CUX2: variants seen among roughly 807,000 people sequenced by gnomAD.
CUX2 encodes the protein homeobox protein cut-like 2.
A neutral mutation model predicts 144.8 loss-of-function variants in CUX2; 40 were observed. The ratio of observed to expected loss-of-function variants is 0.28; its 90% CI spans 0.21 to 0.36. The LOEUF (loss-of-function observed/expected upper bound fraction) is 0.36. Ranked by LOEUF, CUX2 falls within the 10% of genes least tolerant of loss-of-function variation. The pLI is 1.00. For synonymous variants in CUX2, 827 were observed against 875.6 expected, an observed-to-expected ratio of 0.94 and a Z score of 0.98; for missense variants, 1,615 against 1,994.0, an observed-to-expected ratio of 0.81 and a Z score of 3.62.
intron 1 of CUX2, among the ~76,000 whole-genome samples, chr12:111,212,955 T>C (rs1403723932): frequency 1.3e-5 from 2 of 152,214 alleles, no homozygotes; most frequent in East Asian, 1.9e-4. Context: ...ATGGCAAAAG[T>C]GTTTCATTGT....
intron 18 of CUX2, among the ~76,000 whole-genome samples, chr12:111,331,657 G>A (rs115629963): frequency 0.011 from 1,663 of 152,172 alleles, 27 homozygotes; most frequent in African/African-American, 0.038. Context: ...ATAATGCTAC[G>A]TGTCTTATGG....
At chr12:111,046,143 G>A (rs545526168) in intron 1 of CUX2, among the ~76,000 whole-genome samples, 10 of 152,090 alleles carry the variant, frequency 6.6e-5, no homozygotes, top group South Asian at 4.2e-4. Context: ...CGGCCCACCC[G>A]GAGCCAGCAG....
At chr12:111,134,020 A>G (rs1465011341) in intron 1 of CUX2, among the ~76,000 whole-genome samples, 1 of 152,176 alleles carries the variant, frequency 6.6e-6, no homozygotes, top group Admixed American at 6.5e-5. Flanking sequence ...CTTGCATTGT[A>G]ATTCAGCCAG....
At chr12:111,335,173 C>A (rs1479968782) in intron 19 of CUX2, among the ~76,000 whole-genome samples, 9 of 152,146 alleles carry the variant, frequency 5.9e-5, no homozygotes, top group Non-Finnish European at 8.8e-5. Context: ...GGTGGATCAT[C>A]TGAGGTCAGC....
chr12:111,343,438 A>C (rs1415840887), intron 21 of CUX2, among the ~76,000 whole-genome samples: 1 of 152,126 alleles, frequency 6.6e-6, no homozygotes, highest in Non-Finnish European at 1.5e-5. Context: ...ACCCCTGCCA[A>C]GCTTCCTGAG....
At chr12:111,250,720 G>A (rs1486184902) in intron 3 of CUX2, among the ~76,000 whole-genome samples, 1 of 152,154 alleles carries the variant, frequency 6.6e-6, no homozygotes, top group Non-Finnish European at 1.5e-5. Flanking sequence ...GAATGGCAAG[G>A]TCAGAGCCGG....
chr12:111,111,314 A>G (rs1873938608), intron 1 of CUX2, among the ~76,000 whole-genome samples: 2 of 152,070 alleles, frequency 1.3e-5, no homozygotes, highest in Non-Finnish European at 2.9e-5. Context: ...AAGAAAAAAA[A>G]AAGAGAGACA....
Position 111,125,557 on chromosome 12 carries a change from T to C in CUX2, c.64-88643T>C, listed in dbSNP as rs142908994. 3.7e-4 allele frequency among the ~76,000 whole-genome samples: 56 copies of C among 152,376 alleles called. 1 individual carries two copies. The East Asian group carries it at 0.011, about 29-fold the overall frequency. On this transcript the variant is annotated intron_variant, in intron 1 of 21. Transcript: ENST00000261726. ...TCATGTTTTCAAGGTTCATCCATGT[T>C]GGCACATGGATCAGTAATTCATTCC...
rs549680346 is a variant in CUX2 at position 111,203,215 on chromosome 12, G to A, written c.64-10985G>A. On this transcript the variant is annotated intron_variant, in intron 1 of 21. Coordinates refer to ENST00000261726, the MANE Select transcript of CUX2 (RefSeq NM_015267.4). ...CCACTGCACTCCAGCCTGGGCAACC[G>A]AATGAGACTCTGTCTCAAAAAAAAA... is the stretch of plus-strand genomic sequence containing the variant. 2.1e-3 allele frequency among the ~76,000 whole-genome samples: 267 copies of A among 126,382 alleles called. 1 individual carries two copies. The highest frequency in any genetic ancestry group is 7.9e-3 in the African/African-American group (251 of 31,910). 82.9% of individuals were successfully genotyped at this position (126,382 alleles called of 152,430 possible).
rs1870764553 is a variant in CUX2, at chr12:111,061,273, C to T, written c.63+27033C>T. Among the ~76,000 whole-genome samples, 1 of 152,148 alleles carries T rather than the reference C, an allele frequency of 6.6e-6. No individual in the cohort carries two copies. The highest frequency in any genetic ancestry group is 1.5e-5 in the Non-Finnish European group (1 of 68,024). On this transcript the variant is annotated intron_variant, in intron 1 of 21. Transcript: ENST00000261726. This position sits in a 1 kb window ranked among gnomAD's most constrained non-coding sequence, Gnocchi z 4.2. The stretch of plus-strand genomic sequence containing the variant: ...ACCCAGGACCCATGCACACCACAGT[C>T]CATGGCATCCTTTGCTCTCCTTTCT...
chr12:111,187,097 C>T (rs56796171), intron 1 of CUX2, among the ~76,000 whole-genome samples: 3,895 of 152,266 alleles, frequency 0.026, 176 homozygotes, highest in African/African-American at 0.088. Flanking sequence ...TATATTTTTA[C>T]GCTCTAAGTA....
intron 1 of CUX2, among the ~76,000 whole-genome samples, chr12:111,066,699 G>T (rs1331815547): frequency 1.3e-5 from 2 of 152,174 alleles, no homozygotes; most frequent in Admixed American, 6.5e-5. Context: ...TCTGCTCTAG[G>T]GGAACTTGAC....
At chr12:111,235,461 G>T (rs1882694323) in intron 3 of CUX2, among the ~76,000 whole-genome samples, 1 of 152,280 alleles carries the variant, frequency 6.6e-6, no homozygotes, top group East Asian at 1.9e-4. Flanking sequence ...AGTGGCTCAT[G>T]CCTGTAATCC....
At chr12:111,330,212 G>A (rs1205856986) in intron 18 of CUX2, among the ~76,000 whole-genome samples, 3 of 152,226 alleles carry the variant, frequency 2.0e-5, no homozygotes, top group Non-Finnish European at 2.9e-5. Context: ...CTTCGAACTC[G>A]GGGGCTTCAC....
chr12:111,175,727 G>A (rs1878812214), intron 1 of CUX2, among the ~76,000 whole-genome samples: 1 of 151,952 alleles, frequency 6.6e-6, no homozygotes, highest in Non-Finnish European at 1.5e-5. Flanking sequence ...TTTTATCCAT[G>A]TTACTGAATG....
rs1476665067 is a variant in CUX2 at position 111,171,071 on chromosome 12, G to C, written c.64-43129G>C. Among the ~76,000 whole-genome samples the C allele has an allele frequency of 3.9e-5, 6 of 152,184 alleles. No homozygotes were observed. Among genetic ancestry groups the C allele is most frequent in the Non-Finnish European group, 7.3e-5 (5 of 68,028 alleles). On this transcript the variant is annotated intron_variant, in intron 1 of 21. Coordinates refer to ENST00000261726, the MANE Select transcript of CUX2 (RefSeq NM_015267.4). The surrounding 1 kb of genome is among the most constrained non-coding windows in gnomAD (Gnocchi z 5.0). ...GTGATGCCTCTTGGGCTGTGACCCA[G>C]AGTGGCGTTGGCATCCAAGGAGAGA...
In CUX2 at chr12:111,348,342, C is replaced by A; in HGVS notation, c.*17C>A. Reference sequence around the variant, plus strand: ...GAGTTCTGAAGGCAGGGTGAGGGGGCAAGGGACATACCCTGGTAACTACCT... The same window carrying A: ...GAGTTCTGAAGGCAGGGTGAGGGGGAAAGGGACATACCCTGGTAACTACCT... On this transcript the variant is annotated 3_prime_UTR_variant, in exon 22 of 22. Coordinates refer to ENST00000261726, the MANE Select transcript of CUX2 (RefSeq NM_015267.4). The A allele has an allele frequency of 1.3e-6, 2 of 1,596,782 alleles. No homozygotes were observed. Among genetic ancestry groups the A allele is most frequent in the Non-Finnish European group, 1.7e-6 (2 of 1,169,960 alleles).
intron 1 of CUX2, among the ~76,000 whole-genome samples, chr12:111,187,323 C>T (rs745616410): frequency 6.6e-6 from 1 of 152,200 alleles, no homozygotes; most frequent in Non-Finnish European, 1.5e-5. Context: ...TGCTGTGCCC[C>T]CTCATAACGG....
intron 1 of CUX2, among the ~76,000 whole-genome samples, chr12:111,084,490 A>G (rs1872082957): frequency 6.6e-6 from 1 of 151,740 alleles, no homozygotes; most frequent in Non-Finnish European, 1.5e-5. Context: ...ATTTAAACAG[A>G]ATCTTTTTTT....
Sources: allele counts gnomAD v4.1 joint callset (sites outside exome capture counted in the v4.1 genomes callset), GRCh38; gene constraint gnomAD v4.1.1; non-coding constraint Gnocchi (gnomAD v3.1); transcripts MANE v1.5; gene names NCBI Gene and HGNC (gene_info 2026-07-23, HGNC 2026-07-21).